DOK6: variants seen among roughly 807,000 people sequenced by gnomAD.
DOK6 encodes the protein docking protein 6.
In DOK6, 22 loss-of-function variants were observed where a neutral mutation model predicts 44.0. The ratio of observed to expected loss-of-function variants is 0.50; its 90% confidence interval spans 0.36 to 0.71. DOK6 has a LOEUF of 0.71. Among genes scored for constraint, DOK6 ranks in the 30% least tolerant of loss-of-function variants. DOK6 has a pLI of 0.00. For synonymous variants in DOK6, 166 were observed against 145.5 expected (o/e 1.14, Z -1.01); for missense variants, 340 against 416.4 (o/e 0.82, Z 1.60).
intron 6 of DOK6, among the ~76,000 whole-genome samples, chr18:69,752,487 C>T (rs1169927100): frequency 6.6e-6 from 1 of 152,044 alleles, no homozygotes; most frequent in African/African-American, 2.4e-5. Flanking sequence ...TAAGTTAATG[C>T]CTTTCAGTAT....
intron 6 of DOK6, among the ~76,000 whole-genome samples, chr18:69,744,037 A>G (rs144182856): frequency 6.6e-6 from 1 of 152,286 alleles, no homozygotes; most frequent in Non-Finnish European, 1.5e-5. Context: ...TGATTTTCCT[A>G]AGCTCTGGTG....
At chr18:69,463,637 T>TTTA (rs1979846292) in intron 1 of DOK6, among the ~76,000 whole-genome samples, 1 of 64,348 alleles carries the variant, frequency 1.6e-5, no homozygotes, top group Admixed American at 1.8e-4. Context: ...TTCATTGACC[T>TTTA]TTGTTGTGTG....
chr18:69,405,358 G>T (rs138414568), intron 1 of DOK6, among the ~76,000 whole-genome samples: 1 of 152,062 alleles, frequency 6.6e-6, no homozygotes, highest in Non-Finnish European at 1.5e-5. Context: ...GGTGGCTCAC[G>T]CCTGTAATCC....
At chr18:69,838,884 G>A (rs551770568) in intron 7 of DOK6, among the ~76,000 whole-genome samples, 4 of 134,074 alleles carry the variant, frequency 3.0e-5, no homozygotes, top group African/African-American at 1.1e-4. Context: ...CCTAGTTCAT[G>A]ACTGCTTCTT....
At chr18:69,718,112 C>A (rs1197421558) in intron 5 of DOK6, among the ~76,000 whole-genome samples, 1 of 152,190 alleles carries the variant, frequency 6.6e-6, no homozygotes, top group Non-Finnish European at 1.5e-5. Context: ...AGGACAGCAA[C>A]AGAGAATCTG....
chr18:69,824,212 C>G (rs1981670456), intron 7 of DOK6, among the ~76,000 whole-genome samples: 2 of 109,134 alleles, frequency 1.8e-5, no homozygotes, highest in South Asian at 5.9e-4. Context: ...CACCCCACAA[C>G]AGGCCCCGGT....
chr18:69,435,073 AGGAAGGAAGGAAGGAAGGAAAG>A, intron 1 of DOK6, among the ~76,000 whole-genome samples: 1 of 149,698 alleles, frequency 6.7e-6, no homozygotes, highest in South Asian at 2.1e-4. Context: ...GAAGGAAGGA[AGGAAGGAAGGAAGGAAGGAAAG>A]AAGGAAGAAA....
intron 1 of DOK6, among the ~76,000 whole-genome samples, chr18:69,440,003 T>G (rs1979092555): frequency 6.6e-6 from 1 of 152,184 alleles, no homozygotes; most frequent in Non-Finnish European, 1.5e-5. Flanking sequence ...ATTTGTAGCT[T>G]TTGATTTTGA....
chr18:69,779,453 T>TACACACACACAC (rs36016822), intron 7 of DOK6, among the ~76,000 whole-genome samples: 54 of 149,020 alleles, frequency 3.6e-4, no homozygotes, highest in African/African-American at 1.3e-3. Flanking sequence ...ACACACAGTC[T>TACACACACACAC]ACACACACAC....
chr18:69,604,819 A>T (rs147668010), intron 3 of DOK6, among the ~76,000 whole-genome samples: 188 of 152,288 alleles, frequency 1.2e-3, no homozygotes, highest in African/African-American at 4.3e-3. Context: ...TATTGTATAG[A>T]TTATTAAATA....
intron 7 of DOK6, among the ~76,000 whole-genome samples, chr18:69,808,010 C>A (rs1487533475): frequency 6.6e-6 from 1 of 151,766 alleles, no homozygotes. Flanking sequence ...TCTAAGCACA[C>A]ATGGACTATT....
intron 6 of DOK6, among the ~76,000 whole-genome samples, chr18:69,748,986 C>CA: frequency 6.6e-6 from 1 of 152,190 alleles, no homozygotes. Flanking sequence ...TAAAAGGGAA[C>CA]AAGATTATGT....
intron 6 of DOK6, among the ~76,000 whole-genome samples, chr18:69,746,546 G>A (rs546985080): frequency 1.6e-4 from 24 of 152,222 alleles, no homozygotes; most frequent in Admixed American, 3.3e-4. Flanking sequence ...ATGAGCCACC[G>A]CACCTGGCCA....
chr18:69,659,993 C>A (rs2144671063), intron 3 of DOK6: 1 of 143,702 alleles, frequency 7.0e-6, no homozygotes, highest in African/African-American at 2.5e-5. Flanking sequence ...AAGAAAATCA[C>A]AAACCTAGTC....
chr18:69,833,423 G>A (rs1212126565), intron 7 of DOK6, among the ~76,000 whole-genome samples: 1 of 152,066 alleles, frequency 6.6e-6, no homozygotes, highest in African/African-American at 2.4e-5. Flanking sequence ...ATGGAGTAAA[G>A]ATTTAAATGT....
intron 6 of DOK6, among the ~76,000 whole-genome samples, chr18:69,751,252 G>T (rs1979168067): frequency 6.6e-6 from 1 of 152,010 alleles, no homozygotes. Context: ...AATTTCAAAG[G>T]TTCTTATCAC....
At chr18:69,817,988 G>C (rs1981451014) in intron 7 of DOK6, among the ~76,000 whole-genome samples, 1 of 152,176 alleles carries the variant, frequency 6.6e-6, no homozygotes, top group Admixed American at 6.5e-5. Flanking sequence ...GACTTTCTTA[G>C]AGAACTGAGA....
At chr18:69,479,067 G>A (rs1043838221) in intron 1 of DOK6, among the ~76,000 whole-genome samples, 2 of 150,036 alleles carry the variant, frequency 1.3e-5, no homozygotes, top group African/African-American at 4.9e-5. Context: ...CACACTGAAG[G>A]ATGCTTGCAT....
At chr18:69,563,611 T>A (rs1198223039) in intron 1 of DOK6, among the ~76,000 whole-genome samples, 1 of 124,134 alleles carries the variant, frequency 8.1e-6, no homozygotes, top group African/African-American at 3.2e-5. Context: ...TGAGAACACA[T>A]GGACACAGGA....
Sources: allele counts gnomAD v4.1 joint callset (sites outside exome capture counted in the v4.1 genomes callset), GRCh38; gene constraint gnomAD v4.1.1; transcripts MANE v1.5; gene names NCBI Gene and HGNC (gene_info 2026-07-23, HGNC 2026-07-21).